ASIC2: variants seen among roughly 807,000 people sequenced by gnomAD.
ASIC2 encodes the protein acid-sensing ion channel 2.
A neutral mutation model predicts 57.3 loss-of-function variants in ASIC2; 25 were observed. The ratio of observed to expected loss-of-function variants is 0.44; its 90% CI spans 0.32 to 0.61. The LOEUF is 0.61. ASIC2 is among the 20% of genes least tolerant of loss of function. The pLI is 0.06. For synonymous variants in ASIC2, 319 were observed against 307.5 expected (o/e 1.04, Z -0.39); for missense variants, 641 against 738.1 (o/e 0.87, Z 1.52).
chr17:33,046,494 G>T (rs971555350), intron 3 of ASIC2, among the ~76,000 whole-genome samples: 1 of 152,156 alleles, frequency 6.6e-6, no homozygotes, highest in East Asian at 1.9e-4. Flanking sequence ...TTTTGCCCAG[G>T]CTGGGAGTGT....
At position 34,044,561 on chromosome 17, in the gene ASIC2, C is replaced by T. The variant is rs1270022246; in HGVS notation, c.555+111417G>A. The stretch of plus-strand genomic sequence containing the variant: ...TTAATCTCAATTTCTGCAGCTTGAC[C>T]CACATCCCCTTGGAGGAGGACAGAA... On this transcript the variant is annotated intron_variant, in intron 1 of 9. Coordinates refer to the ASIC2 transcript ENST00000359872. 3.3e-5 allele frequency among the ~76,000 whole-genome samples: 5 copies of T among 152,192 alleles called. No homozygotes were observed. In the East Asian group the frequency reaches 9.7e-4, roughly 29 times the overall value.
intron 1 of ASIC2, among the ~76,000 whole-genome samples, chr17:33,382,035 G>A (rs1255757779): frequency 6.6e-6 from 1 of 152,130 alleles, no homozygotes; most frequent in Non-Finnish European, 1.5e-5. Flanking sequence ...CCCCATGTTA[G>A]TCCCACGTTG....
Position 33,287,987 on chromosome 17 carries a change from GA to G in ASIC2, c.708+3420del, listed in dbSNP as rs762677907. On this transcript the variant is annotated intron_variant, in intron 1 of 9. Coordinates refer to ENST00000225823, the MANE Select transcript of ASIC2 (RefSeq NM_183377.2). Reference sequence around the variant, plus strand: ...AGGAGCCTTGTTGCAGGCTACACAAGACAACAGGGAATGTTGGGGGTACCTG... The same window carrying G: ...AGGAGCCTTGTTGCAGGCTACACAAGCAACAGGGAATGTTGGGGGTACCTG... Among the ~76,000 whole-genome samples, 4 of 152,180 alleles carry G rather than the reference GA, an allele frequency of 2.6e-5. No individual in the cohort carries two copies. In the South Asian group the frequency reaches 8.3e-4, roughly 32 times the overall value.
intron 1 of ASIC2, chr17:33,572,401 A>G (rs1916479350): frequency 6.6e-6 from 1 of 152,362 alleles, no homozygotes; most frequent in South Asian, 2.1e-4. Flanking sequence ...GTCCATGGCC[A>G]CTACCTGAGC....
chr17:33,740,010 AAGAG>A (rs199728585), intron 1 of ASIC2, among the ~76,000 whole-genome samples: 3,476 of 151,942 alleles, frequency 0.023, 51 homozygotes, highest in Non-Finnish European at 0.035. Flanking sequence ...AAAATAAAGA[AAGAG>A]AGAGAGAAAG....
At chr17:33,629,363 C>T (rs1159493560) in intron 1 of ASIC2, among the ~76,000 whole-genome samples, 2 of 152,180 alleles carry the variant, frequency 1.3e-5, no homozygotes, top group Admixed American at 6.5e-5. Context: ...TGACATTTCA[C>T]TCCAGTTGGG....
chr17:33,803,392 T>C (rs1002284692), intron 1 of ASIC2, among the ~76,000 whole-genome samples: 1 of 152,068 alleles, frequency 6.6e-6, no homozygotes, highest in Non-Finnish European at 1.5e-5. Context: ...TGCATACATG[T>C]GGATTTCCAC....
chr17:33,116,990 C>T (rs188209451), intron 1 of ASIC2, among the ~76,000 whole-genome samples: 19 of 152,040 alleles, frequency 1.2e-4, no homozygotes, highest in Non-Finnish European at 2.8e-4. Flanking sequence ...GCTAGGACTA[C>T]AGGTGCTCAC....
chr17:33,790,863 A>T (rs75660023), intron 1 of ASIC2, among the ~76,000 whole-genome samples: 19,438 of 152,216 alleles, frequency 0.13, 1,310 homozygotes, highest in East Asian at 0.19. Context: ...CATGATGCTT[A>T]ACACTTTTCA....
At chr17:33,374,848 C>T (rs897867207) in intron 1 of ASIC2, among the ~76,000 whole-genome samples, 1 of 152,100 alleles carries the variant, frequency 6.6e-6, no homozygotes, top group African/African-American at 2.4e-5. Context: ...ATATGCTTGA[C>T]AAAGCACTAA....
At chr17:33,093,428 A>AAGAG (rs58579661) in intron 2 of ASIC2, among the ~76,000 whole-genome samples, 22 of 149,032 alleles carry the variant, frequency 1.5e-4, no homozygotes, top group African/African-American at 3.7e-4. Flanking sequence ...CAAGGACAGA[A>AAGAG]AGAGAGAGAG....
At chr17:33,134,116 T>C (rs1322355911) in intron 1 of ASIC2, among the ~76,000 whole-genome samples, 1 of 152,212 alleles carries the variant, frequency 6.6e-6, no homozygotes, top group Non-Finnish European at 1.5e-5. Context: ...GGGGAAGATA[T>C]TGAGCAAGTA....
At chr17:33,767,480 A>C (rs901125770) in intron 1 of ASIC2, among the ~76,000 whole-genome samples, 1 of 152,236 alleles carries the variant, frequency 6.6e-6, no homozygotes, top group Non-Finnish European at 1.5e-5. Flanking sequence ...TTATTTCCAC[A>C]AGCAGGAAAT....
chr17:33,848,977 C>G (rs1319331707), intron 1 of ASIC2, among the ~76,000 whole-genome samples: 2 of 152,186 alleles, frequency 1.3e-5, no homozygotes, highest in African/African-American at 4.8e-5. Context: ...AAGTAACATA[C>G]CTAGGAAGAG....
intron 1 of ASIC2, among the ~76,000 whole-genome samples, chr17:33,817,158 C>T (rs531120342): frequency 1.3e-5 from 2 of 152,292 alleles, no homozygotes; most frequent in African/African-American, 4.8e-5. Context: ...GATTCTTCGA[C>T]GTTCTCTAGG....
intron 1 of ASIC2, among the ~76,000 whole-genome samples, chr17:33,445,663 G>T (rs565298393): frequency 6.6e-6 from 1 of 151,992 alleles, no homozygotes; most frequent in South Asian, 2.1e-4. Context: ...TGGGCGTGGC[G>T]GCTCATGCCT....
At chr17:34,038,105 G>A in intron 1 of ASIC2, 2 of 1,613,032 alleles carry the variant, frequency 1.2e-6, no homozygotes, top group Non-Finnish European at 1.7e-6. Flanking sequence ...ACCAAAATCT[G>A]TAATTTTTAT....
chr17:33,888,633 C>T (rs1377693380), intron 1 of ASIC2, among the ~76,000 whole-genome samples: 1 of 151,980 alleles, frequency 6.6e-6, no homozygotes, highest in African/African-American at 2.4e-5. Context: ...TTAGAAGAAC[C>T]CAGGGGCCAA....
intron 1 of ASIC2, among the ~76,000 whole-genome samples, chr17:33,527,164 T>C (rs1431699839): frequency 1.3e-5 from 2 of 152,166 alleles, no homozygotes; most frequent in African/African-American, 4.8e-5. Flanking sequence ...AATACTGTTC[T>C]TCTTCAGATG....
Sources: gnomAD v4.1 joint callset for allele counts (sites outside exome capture counted in the v4.1 genomes callset) on GRCh38, gnomAD v4.1.1 for gene constraint, MANE v1.5 for transcripts, NCBI Gene and HGNC (gene_info 2026-07-23, HGNC 2026-07-21) for gene names.